ERC2: variants seen among roughly 807,000 people sequenced by gnomAD.
ERC2 encodes ELKS/RAB6-interacting/CAST family member 2.
ERC2 carries 42 observed loss-of-function variants against 114.8 expected under a neutral mutation model. That is an observed-to-expected ratio of 0.37 (90% CI 0.29 to 0.47). ERC2 has a LOEUF of 0.47. ERC2 is among the 20% of genes least tolerant of loss of function. The pLI is 0.99. For synonymous variants in ERC2, 454 were observed against 425.5 expected (o/e 1.07, Z -0.82); for missense variants, 939 against 1,150.7 (o/e 0.82, Z 2.66).
chr3:55,636,497 G>A (rs376507142), intron 17 of ERC2, among the ~76,000 whole-genome samples: 2 of 152,136 alleles, frequency 1.3e-5, no homozygotes, highest in Non-Finnish European at 2.9e-5. Flanking sequence ...TTGGCACAGT[G>A]CATAGAGCAC....
chr3:56,370,411 T>C (rs1057310400), intron 2 of ERC2, among the ~76,000 whole-genome samples: 1 of 152,116 alleles, frequency 6.6e-6, no homozygotes, highest in African/African-American at 2.4e-5. Flanking sequence ...CCTTTTGGAC[T>C]GGGATCAAGG....
chr3:55,881,532 A>G (rs2063117811), intron 14 of ERC2, among the ~76,000 whole-genome samples: 1 of 152,232 alleles, frequency 6.6e-6, no homozygotes, highest in South Asian at 2.1e-4. Flanking sequence ...AGCATTTTAT[A>G]CTAAATGAAA....
chr3:55,799,318 G>C (rs2149095345), intron 14 of ERC2, among the ~76,000 whole-genome samples: 1 of 150,260 alleles, frequency 6.7e-6, no homozygotes, highest in Middle Eastern at 3.5e-3. Flanking sequence ...TGTGTGTGTA[G>C]ATTTTCCTTC....
intron 15 of ERC2, among the ~76,000 whole-genome samples, chr3:55,732,157 G>C (rs1190327062): frequency 6.6e-6 from 1 of 152,126 alleles, no homozygotes; most frequent in African/African-American, 2.4e-5. Flanking sequence ...ACACTCACAT[G>C]GTTGCTGTGA....
chr3:56,019,645 T>C (rs2073560984), intron 7 of ERC2, among the ~76,000 whole-genome samples: 1 of 152,128 alleles, frequency 6.6e-6, no homozygotes, highest in Admixed American at 6.6e-5. Context: ...AACACTCCAT[T>C]TGGCAACTAA....
At chr3:56,105,871 T>G (rs1210279513) in intron 6 of ERC2, among the ~76,000 whole-genome samples, 1 of 152,150 alleles carries the variant, frequency 6.6e-6, no homozygotes, top group Non-Finnish European at 1.5e-5. Flanking sequence ...ACTTCTAGAC[T>G]GGTAGTCTCA....
chr3:55,888,359 G>A (rs1186568039), intron 14 of ERC2, 30 bp downstream of exon 14: 3 of 1,612,532 alleles, frequency 1.9e-6, no homozygotes, highest in Non-Finnish European at 2.5e-6. Context: ...CTAGAAGAGA[G>A]AGGCTACCAA....
chr3:56,131,854 CA>C (rs952769218), intron 6 of ERC2, among the ~76,000 whole-genome samples: 2 of 151,896 alleles, frequency 1.3e-5, no homozygotes, highest in African/African-American at 2.4e-5. Context: ...GTTCCCAACA[CA>C]AAAAAATGAT....
intron 17 of ERC2, among the ~76,000 whole-genome samples, chr3:55,618,526 T>C (rs1158298947): frequency 6.6e-6 from 1 of 152,226 alleles, no homozygotes; most frequent in Non-Finnish European, 1.5e-5. Flanking sequence ...ATAAAAATGA[T>C]TCCATAGGTG....
chr3:55,831,797 C>T (rs144628676), intron 14 of ERC2, among the ~76,000 whole-genome samples: 4,067 of 152,218 alleles, frequency 0.027, 77 homozygotes, highest in Middle Eastern at 0.071. Context: ...CGAAGCAGGG[C>T]GAGGCATTGC....
At chr3:55,951,526 C>T (rs1035939054) in intron 12 of ERC2, among the ~76,000 whole-genome samples, 7 of 152,156 alleles carry the variant, frequency 4.6e-5, no homozygotes, top group Admixed American at 1.3e-4. Context: ...TTAATGTGTA[C>T]TATTGCACCA....
At chr3:55,898,680 A>G (rs568498782) in intron 13 of ERC2, among the ~76,000 whole-genome samples, 2 of 152,178 alleles carry the variant, frequency 1.3e-5, no homozygotes, top group East Asian at 3.8e-4. Context: ...TTTTCAGCCT[A>G]TAAGAGGATG....
intron 14 of ERC2, among the ~76,000 whole-genome samples, chr3:55,835,519 A>C (rs1207282114): frequency 6.6e-6 from 1 of 152,226 alleles, no homozygotes; most frequent in Admixed American, 6.5e-5. Context: ...TTATCTCAAT[A>C]GATGCAGAAA....
intron 14 of ERC2, among the ~76,000 whole-genome samples, chr3:55,820,899 G>A (rs922556352): frequency 6.6e-6 from 1 of 152,194 alleles, no homozygotes; most frequent in African/African-American, 2.4e-5. Context: ...GTAACGGAGA[G>A]GGAGACAGCC....
intron 2 of ERC2, among the ~76,000 whole-genome samples, chr3:56,426,996 TAAAA>T (rs537295354): frequency 3.8e-5 from 3 of 79,554 alleles, no homozygotes; most frequent in South Asian, 8.7e-4. Context: ...ACCTCATCTC[TAAAA>T]AAAAAAAAAA....
At chr3:55,629,237 G>A (rs1214505213) in intron 17 of ERC2, among the ~76,000 whole-genome samples, 1 of 152,204 alleles carries the variant, frequency 6.6e-6, no homozygotes, top group Non-Finnish European at 1.5e-5. Flanking sequence ...GGGATGCCTA[G>A]GGAGTGGGGT....
chr3:55,558,398 C>T (rs762946964), intron 17 of ERC2, among the ~76,000 whole-genome samples: 58 of 152,184 alleles, frequency 3.8e-4, no homozygotes, highest in Non-Finnish European at 6.5e-4. Flanking sequence ...GACCTCAAAA[C>T]GTCACTCCAA....
chr3:56,139,471 A>T (rs1407912612), intron 6 of ERC2, 38 bp downstream of exon 6: 1 of 1,577,438 alleles, frequency 6.3e-7, no homozygotes, highest in South Asian at 1.2e-5. Context: ...TATCAATTCA[A>T]TGTCTCTGCT....
At chr3:55,521,402 G>T (rs2052924306) in intron 17 of ERC2, among the ~76,000 whole-genome samples, 1 of 152,236 alleles carries the variant, frequency 6.6e-6, no homozygotes, top group South Asian at 2.1e-4. Flanking sequence ...ATTTGACCTT[G>T]TTTCTCAGGC....
Sources: allele counts gnomAD v4.1 joint callset (sites outside exome capture counted in the v4.1 genomes callset), GRCh38; gene constraint gnomAD v4.1.1; transcripts MANE v1.5; gene names NCBI Gene and HGNC (gene_info 2026-07-23, HGNC 2026-07-21).